The following NELL2 variants were observed in gnomAD, a reference collection of about 807,000 sequenced individuals.
NELL2 encodes protein kinase C-binding protein NELL2.
NELL2 carries 41 observed loss-of-function variants against 109.6 expected under a neutral mutation model. The ratio of observed to expected loss-of-function variants is 0.37; its 90% confidence interval spans 0.29 to 0.49. The LOEUF (loss-of-function observed/expected upper bound fraction) is 0.49, where lower values mean the gene tolerates loss of function less well. NELL2 is among the 20% of genes least tolerant of loss of function. The pLI, the probability that NELL2 is intolerant of heterozygous loss-of-function variation, is 0.98. For missense variants in NELL2, 900 were observed against 1,008.3 expected (o/e 0.89, Z 1.45); for synonymous variants, 355 against 344.7 (o/e 1.03, Z -0.33).
chr12:44,872,246 T>G (rs1431114960), intron 2 of NELL2, among the ~76,000 whole-genome samples: 1 of 152,110 alleles, frequency 6.6e-6, no homozygotes, highest in Admixed American at 6.6e-5. Context: ...AGATTATAGC[T>G]AGAAATGACT....
intron 2 of NELL2, among the ~76,000 whole-genome samples, chr12:44,864,396 G>A (rs1262981880): frequency 2.0e-5 from 3 of 151,942 alleles, no homozygotes; most frequent in Admixed American, 2.0e-4. Flanking sequence ...CATGGAAATG[G>A]AAAACAAAAT....
intron 13 of NELL2, among the ~76,000 whole-genome samples, chr12:44,641,689 CTTTTTTTT>C (rs71093817): frequency 8.7e-5 from 7 of 80,626 alleles, no homozygotes; most frequent in African/African-American, 1.6e-4. Flanking sequence ...CTAGTTTCTC[CTTTTTTTT>C]TTTTTTTTTT....
At chr12:44,893,283 C>T (rs966835545) in intron 1 of NELL2, among the ~76,000 whole-genome samples, 2 of 152,008 alleles carry the variant, frequency 1.3e-5, no homozygotes, top group Non-Finnish European at 2.9e-5. Context: ...TCTATAGAAC[C>T]CTTTGAGCCT....
intron 18 of NELL2, among the ~76,000 whole-genome samples, chr12:44,521,047 G>A (rs1261859073): frequency 1.3e-5 from 2 of 152,146 alleles, no homozygotes; most frequent in African/African-American, 2.4e-5. Flanking sequence ...GAAAGTTTTC[G>A]CTATAAAGAC....
At chr12:44,902,729 A>G (rs1271009692) in intron 1 of NELL2, among the ~76,000 whole-genome samples, 1 of 152,188 alleles carries the variant, frequency 6.6e-6, no homozygotes, top group African/African-American at 2.4e-5. Flanking sequence ...AACAGAACAG[A>G]GGCCTTAGAA....
At position 44,617,691 on chromosome 12, in the gene NELL2, CAAAAAA is replaced by C. The variant is rs975070930; in HGVS notation, c.1445-6727_1445-6722del. On this transcript the variant is annotated intron_variant, in intron 13 of 19. Coordinates refer to ENST00000429094, the MANE Select transcript of NELL2 (RefSeq NM_001145108.2). Reference sequence around the variant, plus strand: ...TGGGCGACAGAGCGAGACTCCGTCTCAAAAAAAAAAAAAAAAAAAAAAGAAAAAGCA... The same window carrying C: ...TGGGCGACAGAGCGAGACTCCGTCTCAAAAAAAAAAAAAAAAGAAAAAGCA... 1.3e-4 allele frequency among the ~76,000 whole-genome samples: 3 copies of C among 22,390 alleles called. 1 individual carries two copies. The highest frequency in any genetic ancestry group is 1.8e-3 in the South Asian group (1 of 568). 14.7% of individuals were successfully genotyped at this position (22,390 alleles called of 152,430 possible). A position where few individuals can be genotyped will look rare whatever the true frequency, so the allele number is the denominator to read the frequency against.
At chr12:44,867,469 A>G (rs1945033696) in intron 2 of NELL2, among the ~76,000 whole-genome samples, 1 of 152,218 alleles carries the variant, frequency 6.6e-6, no homozygotes, top group Non-Finnish European at 1.5e-5. Context: ...TATAGAAGAA[A>G]TGTATCTCAA....
At chr12:44,571,859 A>G (rs1347659565) in intron 15 of NELL2, among the ~76,000 whole-genome samples, 1 of 152,156 alleles carries the variant, frequency 6.6e-6, no homozygotes, top group Non-Finnish European at 1.5e-5. Flanking sequence ...TTTCAACTTT[A>G]TTTAGTAGGA....
chr12:44,610,908 C>G lies in NELL2; in HGVS notation c.1507G>C (p.Val503Leu), dbSNP rs1592203600. 1 of 1,613,158 alleles carries G rather than the reference C, an allele frequency of 6.2e-7. No homozygotes were observed. Among genetic ancestry groups the G allele is most frequent in the Non-Finnish European group, 8.5e-7 (1 of 1,179,360 alleles). ...TTGCAAACACAGTTGTGTCCTCCAA[C>G]AGTGTTGAAGCATAAAGCATTTTCA... is the stretch of plus-strand genomic sequence containing the variant. ...CDENALCFNTVGGHNCVCKPG... is the reference protein window; with the variant it reads ...CDENALCFNTLGGHNCVCKPG... Residue 503 changes from valine (V) to leucine (L), a missense_variant, in exon 14 of 20, where the codon GTT (valine) becomes CTT (leucine). Physicochemically the swap from Val to Leu is conservative, Grantham distance 32 (BLOSUM62 1). Transcript: ENST00000429094.
chr12:44,745,885 T>C (rs1441348198), intron 9 of NELL2, among the ~76,000 whole-genome samples: 2 of 152,140 alleles, frequency 1.3e-5, no homozygotes, highest in African/African-American at 2.4e-5. Flanking sequence ...AGGTAATTTA[T>C]AGATTCAATG....
chr12:44,736,226 G>A (rs866726875), intron 9 of NELL2, among the ~76,000 whole-genome samples: 20 of 151,792 alleles, frequency 1.3e-4, no homozygotes, highest in African/African-American at 4.4e-4. Context: ...AGCCAGGATG[G>A]TCTCAATCTC....
At chr12:44,541,250 CA>C (rs3071951) in intron 15 of NELL2, among the ~76,000 whole-genome samples, 28 of 78,902 alleles carry the variant, frequency 3.5e-4, no homozygotes, top group Non-Finnish European at 5.2e-4. Flanking sequence ...GACTCCATCT[CA>C]AAAAAAAAAA....
In NELL2 at chr12:44,779,725, C is replaced by T. The variant is rs1360066565; in HGVS notation, c.544G>A (p.Asp182Asn). 6.2e-7 allele frequency: 1 copy of T among 1,613,984 alleles called. No individual in the cohort carries two copies. Among genetic ancestry groups the T allele is most frequent in the Non-Finnish European group, 8.5e-7 (1 of 1,179,890 alleles). ...YERVVEKPSTDLPLGTTFWLG... is the reference protein window; with the variant it reads ...YERVVEKPSTNLPLGTTFWLG... ...CAAAATGTTGTGCCTAGAGGCAAGT[C>T]TGTGGAGGGCTTTTCTACTACCCTT... Residue 182 changes from aspartate to asparagine, a missense_variant, in exon 5 of 20, where the codon GAC becomes AAC. By Grantham distance (23) the Asp-to-Asn change is conservative. Coordinates refer to ENST00000429094, the MANE Select transcript of NELL2 (RefSeq NM_001145108.2).
At chr12:44,793,306 C>T (rs1056368238) in intron 3 of NELL2, among the ~76,000 whole-genome samples, 1 of 152,058 alleles carries the variant, frequency 6.6e-6, no homozygotes, top group African/African-American at 2.4e-5. Context: ...GCCAGAGAGT[C>T]CCTTTTATCT....
At chr12:44,747,100 C>T (rs1940406203) in intron 9 of NELL2, among the ~76,000 whole-genome samples, 1 of 152,136 alleles carries the variant, frequency 6.6e-6, no homozygotes, top group Non-Finnish European at 1.5e-5. Context: ...ACATATACAC[C>T]ATGGAATACT....
intron 9 of NELL2, among the ~76,000 whole-genome samples, chr12:44,733,367 A>G (rs1939471329): frequency 6.6e-6 from 1 of 152,138 alleles, no homozygotes; most frequent in African/African-American, 2.4e-5. Context: ...ATGGAATATT[A>G]TTTAGCCTTT....
chr12:44,914,552 T>C (rs439541), upstream of NELL2, among the ~76,000 whole-genome samples: 2,764 of 152,290 alleles, frequency 0.018, 100 homozygotes, highest in African/African-American at 0.063. Flanking sequence ...ATTAAAACCA[T>C]CTAACATCCC....
intron 15 of NELL2, among the ~76,000 whole-genome samples, chr12:44,578,329 C>CA (rs1257041773): frequency 6.6e-6 from 1 of 150,864 alleles, no homozygotes; most frequent in Non-Finnish European, 1.5e-5. Context: ...TATATAGAAA[C>CA]AAAAAACCCC....
chr12:44,712,257 A>G (rs1938243201), intron 10 of NELL2, among the ~76,000 whole-genome samples: 1 of 152,066 alleles, frequency 6.6e-6, no homozygotes, highest in South Asian at 2.1e-4. Flanking sequence ...AATTTCTGCA[A>G]GGAATGCTTT....
Sources: gnomAD v4.1 joint callset for allele counts (sites outside exome capture counted in the v4.1 genomes callset) on GRCh38, gnomAD v4.1.1 for gene constraint, MANE v1.5 for transcripts, NCBI Gene and HGNC (gene_info 2026-07-23, HGNC 2026-07-21) for gene names.